Variants in MANBAL observed in about 807,000 individuals in gnomAD.
MANBAL encodes the protein mannosidase beta like, also known as protein MANBAL.
Under a neutral mutation model 6.4 loss-of-function variants are expected in MANBAL, and 1 was observed. The ratio of observed to expected loss-of-function variants is 0.16; its 90% CI spans 0.06 to 0.74. The LOEUF (loss-of-function observed/expected upper bound fraction) is 0.74, where lower values mean the gene tolerates loss of function less well. Ranked by LOEUF, MANBAL falls within the 30% of genes least tolerant of loss-of-function variation. The probability of loss-of-function intolerance (pLI) is 0.78; values close to 1 mark genes in which losing one functional copy is unlikely to be tolerated. For synonymous variants in MANBAL, 47 were observed against 45.8 expected, an observed-to-expected ratio of 1.03 and a Z score of -0.10; for missense variants, 100 against 107.8, an observed-to-expected ratio of 0.93 and a Z score of 0.32.
Position 37,316,828 on chromosome 20 carries a change from A to T in MANBAL, c.*413A>T, listed in dbSNP as rs1037333576. The T allele has an allele frequency of 3.5e-5, 6 of 173,738 alleles. No homozygotes were observed. In the South Asian group the frequency reaches 8.3e-4, roughly 24 times the overall value. 10.8% of individuals were successfully genotyped at this position (173,738 alleles called of 1,614,324 possible). A position where few individuals can be genotyped will look rare whatever the true frequency, so the allele number is the denominator to read the frequency against. ...CTCTCCCATTATTTGTGCACTACAGATCTCCTCCTGATCAGTCACCTTTGT... is the reference window on the plus strand; with the variant it reads ...CTCTCCCATTATTTGTGCACTACAGTTCTCCTCCTGATCAGTCACCTTTGT... On this transcript the variant is annotated 3_prime_UTR_variant, in exon 3 of 3. Coordinates refer to ENST00000373606, the MANE Select transcript of MANBAL (RefSeq NM_001003897.2).
Position 37,316,638 on chromosome 20 carries a change from G to T in MANBAL, c.*223G>T. ...TCTGTGACGGTTTAGAGTCAAGGGG[G>T]CTGAAACACACTGTGAGCATAGACT... On this transcript the variant is annotated 3_prime_UTR_variant, in exon 3 of 3. Transcript: ENST00000373606. 6.9e-6 allele frequency: 3 copies of T among 437,864 alleles called. No individual in the cohort carries two copies. The highest frequency in any genetic ancestry group is 8.4e-6 in the Non-Finnish European group (2 of 237,674). 27.1% of individuals were successfully genotyped at this position (437,864 alleles called of 1,614,324 possible).
chr20:37,301,322 A>C lies in MANBAL; in HGVS notation c.59A>C (p.Asn20Thr). ...GTGCCCGAGCCCACTTTCCTGGAGA[A>C]CCTGCTACGGTACGGACTCTTCCTG... ...PEVPEPTFLE[N>T]LLRYGLFLGA... is the part of the protein sequence containing the mutation. The change falls in exon 2 of 3, where the codon AAC (asparagine) becomes ACC (threonine). Residue 20 changes from asparagine to threonine, a missense_variant. Physicochemically the swap from Asn to Thr is moderately conservative, Grantham distance 65 (BLOSUM62 0). Coordinates refer to ENST00000373606, the MANE Select transcript of MANBAL (RefSeq NM_001003897.2). 1 of 1,612,858 alleles carries C rather than the reference A, an allele frequency of 6.2e-7. No individual in the cohort carries two copies. The highest frequency in any genetic ancestry group is 8.5e-7 in the Non-Finnish European group (1 of 1,179,210).
chr20:37,309,272 G>T lies in MANBAL; in HGVS notation c.151-7036G>T, dbSNP rs182014686. ...CCCTTATCAGTCGGGATTGACAGGTGAGAGAAGCCATTTCTCTGCCTCTCC... is the reference window on the plus strand; with the variant it reads ...CCCTTATCAGTCGGGATTGACAGGTTAGAGAAGCCATTTCTCTGCCTCTCC... On this transcript the variant is annotated intron_variant, in intron 2 of 2. Coordinates refer to ENST00000373606, the MANE Select transcript of MANBAL (RefSeq NM_001003897.2). Among the ~76,000 whole-genome samples the T allele has an allele frequency of 1.2e-4, 19 of 152,290 alleles. No homozygotes were observed. The East Asian group carries it at 3.5e-3, about 28-fold the overall frequency.
chr20:37,304,967 C>A (rs573939786), intron 2 of MANBAL, among the ~76,000 whole-genome samples: 1,106 of 12,820 alleles, frequency 0.086, 16 homozygotes, highest in African/African-American at 0.24. Flanking sequence ...AGAAGAGGAC[C>A]TAGGCCAGAG....
At chr20:37,310,710 A>G (rs1444879606) in intron 2 of MANBAL, among the ~76,000 whole-genome samples, 4 of 152,208 alleles carry the variant, frequency 2.6e-5, no homozygotes, top group African/African-American at 9.6e-5. Flanking sequence ...CTGCTTCATT[A>G]TTGATGGGGC....
chr20:37,300,010 C>CA (rs1207591038), intron 1 of MANBAL, among the ~76,000 whole-genome samples: 3 of 152,218 alleles, frequency 2.0e-5, no homozygotes, highest in Non-Finnish European at 4.4e-5. Flanking sequence ...TTCACGCCAT[C>CA]AGCAGCTCTT....
At chr20:37,292,911 A>G (rs2068906381) in intron 1 of MANBAL, among the ~76,000 whole-genome samples, 1 of 152,246 alleles carries the variant, frequency 6.6e-6, no homozygotes, top group Non-Finnish European at 1.5e-5. Context: ...AGGTATGCTC[A>G]GTGCTTCTCA....
intron 2 of MANBAL, among the ~76,000 whole-genome samples, chr20:37,308,256 A>G (rs1189581265): frequency 2.6e-5 from 4 of 152,140 alleles, no homozygotes; most frequent in Non-Finnish European, 5.9e-5. Flanking sequence ...GGGAAGGTCC[A>G]TTCCCACAGG....
At chr20:37,296,996 A>T (rs1465947502) in intron 1 of MANBAL, 1 of 152,212 alleles carries the variant, frequency 6.6e-6, no homozygotes. Flanking sequence ...AGTAAATCTG[A>T]GTATTTATAA....
At chr20:37,311,987 A>G (rs2069399973) in intron 2 of MANBAL, among the ~76,000 whole-genome samples, 1 of 152,010 alleles carries the variant, frequency 6.6e-6, no homozygotes. Flanking sequence ...TGGAAAGCGG[A>G]ATGGACAGAC....
chr20:37,309,776 G>A (rs984375258), intron 2 of MANBAL, among the ~76,000 whole-genome samples: 3 of 152,148 alleles, frequency 2.0e-5, no homozygotes, highest in African/African-American at 7.2e-5. Flanking sequence ...AAACGAGGCC[G>A]CTAGTTGCCA....
chr20:37,307,243 G>A (rs1600913447), intron 2 of MANBAL, among the ~76,000 whole-genome samples: 1 of 152,208 alleles, frequency 6.6e-6, no homozygotes, highest in Non-Finnish European at 1.5e-5. Context: ...TGGGATTACA[G>A]GCATGAGCCA....
intron 2 of MANBAL, among the ~76,000 whole-genome samples, chr20:37,309,526 G>T (rs2069333914): frequency 6.6e-6 from 1 of 152,238 alleles, no homozygotes; most frequent in African/African-American, 2.4e-5. Context: ...TTGCGATCTA[G>T]TGGAGGACTC....
chr20:37,290,505 CT>C (rs1339573092), intron 1 of MANBAL, among the ~76,000 whole-genome samples: 1 of 151,902 alleles, frequency 6.6e-6, no homozygotes, highest in African/African-American at 2.4e-5. Flanking sequence ...CTCGTCCACG[CT>C]GAAGGGCAGT....
chr20:37,316,222 G>T, intron 2 of MANBAL, 86 bp from the exon 3 acceptor site: 5 of 1,235,812 alleles, frequency 4.0e-6, no homozygotes, highest in Non-Finnish European at 5.7e-6. Flanking sequence ...TCTGTGGCAT[G>T]CTTCTTTGCT....
chr20:37,316,108 G>A (rs553243759), intron 2 of MANBAL, among the ~76,000 whole-genome samples, 200 bp from the exon 3 acceptor site: 2 of 152,322 alleles, frequency 1.3e-5, no homozygotes, highest in East Asian at 3.9e-4. Flanking sequence ...CTCCCTCCCC[G>A]TGGGGCTTCC....
intron 2 of MANBAL, among the ~76,000 whole-genome samples, chr20:37,312,149 G>A (rs899729453): frequency 5.3e-5 from 8 of 152,262 alleles, no homozygotes; most frequent in African/African-American, 1.9e-4. Flanking sequence ...CAGATGACTC[G>A]ATAACTGTAA....
chr20:37,307,926 G>T (rs1176999436), intron 2 of MANBAL, among the ~76,000 whole-genome samples: 6 of 152,188 alleles, frequency 3.9e-5, no homozygotes, highest in African/African-American at 1.4e-4. Context: ...GAAGGTGCGG[G>T]TGCTGTCCTA....
At position 37,305,127 on chromosome 20, in the gene MANBAL, G is replaced by A. The variant is rs141035532; in HGVS notation, c.150+3714G>A. 8.1e-3 allele frequency among the ~76,000 whole-genome samples: 1,234 copies of A among 152,262 alleles called. 11 individuals carry two copies. The highest frequency in any genetic ancestry group is 0.011 in the Non-Finnish European group (744 of 68,022). On this transcript the variant is annotated intron_variant, in intron 2 of 2. Coordinates refer to ENST00000373606, the MANE Select transcript of MANBAL (RefSeq NM_001003897.2). ...TCTTGAGAAGGAGATCACTATTGGC[G>A]TTCTTCCACCCACAATTGTATCGCA...
Sources: allele counts gnomAD v4.1 joint callset (sites outside exome capture counted in the v4.1 genomes callset), GRCh38; gene constraint gnomAD v4.1.1; transcripts MANE v1.5; gene names NCBI Gene and HGNC (gene_info 2026-07-23, HGNC 2026-07-21).